The following LAMB4 variants were observed in gnomAD, a reference collection of about 807,000 sequenced individuals.
The protein encoded by LAMB4 is laminin subunit beta 4, also known as laminin subunit beta-4.
Under a neutral mutation model 199.2 loss-of-function variants are expected in LAMB4, and 196 were observed. The observed-to-expected ratio is 0.98, with a 90% CI of 0.88 to 1.11. LAMB4 has a LOEUF of 1.11. LAMB4 is among the 50% of genes least tolerant of loss of function. LAMB4 has a pLI of 0.00. For missense variants in LAMB4, 2,080 were observed against 2,171.2 expected (o/e 0.96, Z 0.83); for synonymous variants, 744 against 770.6 (o/e 0.97, Z 0.57).
chr7:108,090,738 T>G (rs2037366178), intron 14 of LAMB4, among the ~76,000 whole-genome samples: 1 of 152,208 alleles, frequency 6.6e-6, no homozygotes, highest in Non-Finnish European at 1.5e-5. Context: ...TACTTCTTTC[T>G]AAAATTGTTT....
At position 108,063,824 on chromosome 7, in the gene LAMB4, C is replaced by A. The variant is rs2036246805; in HGVS notation, c.2998G>T (p.Gly1000Cys). Residue 1000 changes from glycine to cysteine, a missense_variant, in exon 22 of 34, where the codon GGC becomes TGC. Coordinates refer to ENST00000388781, the MANE Select transcript of LAMB4 (RefSeq NM_007356.3). ...GGTTTGCAGAGCTGGCAGTTTGCGCCCTGAGTGTTGTGCAAACATCGAAGG... is the reference window on the plus strand; with the variant it reads ...GGTTTGCAGAGCTGGCAGTTTGCGCACTGAGTGTTGTGCAAACATCGAAGG... ...ECLRCLHNTQGANCQLCKPGH... is the reference protein window; with the variant it reads ...ECLRCLHNTQCANCQLCKPGH... 2 of 1,614,040 alleles carry A rather than the reference C, an allele frequency of 1.2e-6. No individual in the cohort carries two copies. Among genetic ancestry groups the A allele is most frequent in the Non-Finnish European group, 1.7e-6 (2 of 1,180,036 alleles).
In LAMB4 at chr7:108,029,105, T is replaced by C. The variant is rs760218345; in HGVS notation, c.5084A>G (p.Gln1695Arg). The C allele has an allele frequency of 5.6e-6, 9 of 1,614,068 alleles. No homozygotes were observed. Among genetic ancestry groups the C allele is most frequent in the African/African-American group, 5.3e-5 (4 of 74,948 alleles). Reference sequence around the variant, plus strand: ...CAATTTTTCTGCCGCATCTTTTAGCTGTTTAACTTTTCCTAATGTCTCCTT... The same window carrying C: ...CAATTTTTCTGCCGCATCTTTTAGCCGTTTAACTTTTCCTAATGTCTCCTT... ...LTKETLGKVK[Q>R]LKDAAEKLAG... The change falls in exon 33 of 34, where the codon CAG (glutamine) becomes CGG (arginine). Residue 1695 changes from glutamine (Q) to arginine (R), a missense_variant. Coordinates refer to ENST00000388781, the MANE Select transcript of LAMB4 (RefSeq NM_007356.3).
chr7:108,115,424 C>T (rs2038371252), intron 3 of LAMB4, among the ~76,000 whole-genome samples: 2 of 152,256 alleles, frequency 1.3e-5, no homozygotes, highest in East Asian at 1.9e-4. Flanking sequence ...ATCCCAGCAA[C>T]TCAGGAGGCT....
intron 1 of LAMB4, among the ~76,000 whole-genome samples, chr7:108,127,205 T>TTTTTTTTTTTGAGACA (rs2038825403): frequency 6.9e-6 from 1 of 143,984 alleles, no homozygotes; most frequent in Non-Finnish European, 1.5e-5. Flanking sequence ...TTTTTTTTTT[T>TTTTTTTTTTTGAGACA]GAATCCTGCT....
At chr7:108,082,854 TC>T (rs2037008719) in intron 14 of LAMB4, among the ~76,000 whole-genome samples, 1 of 152,130 alleles carries the variant, frequency 6.6e-6, no homozygotes, top group African/African-American at 2.4e-5. Context: ...TTGTGGTGGT[TC>T]CCATCATATC....
chr7:108,098,194 G>A (rs577273548), intron 11 of LAMB4, among the ~76,000 whole-genome samples: 1 of 152,120 alleles, frequency 6.6e-6, no homozygotes, highest in Non-Finnish European at 1.5e-5. Context: ...TTATCTGGGC[G>A]TGGTGGTGGT....
chr7:108,023,991 C>A lies in LAMB4; in HGVS notation c.*48G>T. ...TTCAACAGAGCCCCAGGGGCTTGTA[C>A]ATCAGAAACCAGAAACAAAGGCACA... On this transcript the variant is annotated 3_prime_UTR_variant, in exon 34 of 34. Coordinates refer to ENST00000388781, the MANE Select transcript of LAMB4 (RefSeq NM_007356.3). The A allele has an allele frequency of 6.5e-7, 1 of 1,537,520 alleles. No homozygotes were observed. Among genetic ancestry groups the A allele is most frequent in the South Asian group, 1.3e-5 (1 of 77,748 alleles).
At chr7:108,057,982 A>T in intron 23 of LAMB4, 54 bp from the exon 24 acceptor site, 1 of 1,187,232 alleles carries the variant, frequency 8.4e-7, no homozygotes, top group Non-Finnish European at 1.3e-6. Flanking sequence ...CTAAAAAAAA[A>T]TGCATTTTAA....
intron 2 of LAMB4, among the ~76,000 whole-genome samples, chr7:108,116,695 A>T (rs2038419510): frequency 6.6e-6 from 1 of 152,246 alleles, no homozygotes; most frequent in Non-Finnish European, 1.5e-5. Context: ...ACACTTGGGA[A>T]ATCCTAAACT....
intron 25 of LAMB4, among the ~76,000 whole-genome samples, chr7:108,052,624 C>T (rs1330831940): frequency 6.6e-6 from 1 of 152,170 alleles, no homozygotes; most frequent in East Asian, 1.9e-4. Flanking sequence ...TGGCTTTCAA[C>T]ATATGGTAAA....
At chr7:108,115,344 A>G (rs574128691) in intron 3 of LAMB4, among the ~76,000 whole-genome samples, 5 of 152,216 alleles carry the variant, frequency 3.3e-5, no homozygotes, top group Non-Finnish European at 7.3e-5. Flanking sequence ...CCAACCAAGG[A>G]TTGAAAATAT....
intron 29 of LAMB4, among the ~76,000 whole-genome samples, chr7:108,042,503 C>G (rs909352157): frequency 1.3e-5 from 2 of 151,908 alleles, no homozygotes; most frequent in African/African-American, 4.8e-5. Context: ...TTGGTGCCTT[C>G]TTAGTTCAGC....
In LAMB4 at chr7:108,116,226, T is replaced by C. The variant is rs1183428168; in HGVS notation, c.35-65A>G. On this transcript the variant is annotated intron_variant, in intron 2 of 33. Coordinates refer to ENST00000388781, the MANE Select transcript of LAMB4 (RefSeq NM_007356.3). ...AAGGACAGCACAGGGCCTGCAGAAA[T>C]GACTGGTTAAGGGGGAAAGTTATGT... 3 of 1,464,128 alleles carry C rather than the reference T, an allele frequency of 2.0e-6. No homozygotes were observed. In the East Asian group the frequency reaches 7.0e-5, roughly 34 times the overall value. The allele number at this position is 1,464,128 out of a possible 1,614,324, so 90.7% of individuals were successfully genotyped here.
intron 17 of LAMB4, among the ~76,000 whole-genome samples, chr7:108,076,505 T>A (rs2036708679): frequency 6.6e-6 from 1 of 152,176 alleles, no homozygotes; most frequent in East Asian, 1.9e-4. Context: ...AAGTGTAGGA[T>A]GTATAAAATG....
At chr7:108,107,257 C>A (rs566268594) in intron 6 of LAMB4, among the ~76,000 whole-genome samples, 4 of 152,172 alleles carry the variant, frequency 2.6e-5, no homozygotes, top group Admixed American at 1.3e-4. Flanking sequence ...GGGATGTTCC[C>A]GGCAGATTCC....
At chr7:108,125,351 G>A (rs1240938929) in intron 1 of LAMB4, among the ~76,000 whole-genome samples, 1 of 152,194 alleles carries the variant, frequency 6.6e-6, no homozygotes, top group Non-Finnish European at 1.5e-5. Context: ...ATGCTGTCCT[G>A]TATTTAGAAC....
intron 17 of LAMB4, among the ~76,000 whole-genome samples, chr7:108,070,104 T>C (rs1013813426): frequency 6.6e-6 from 1 of 152,334 alleles, no homozygotes; most frequent in Admixed American, 6.5e-5. Context: ...AAAAAAAGCC[T>C]TTATCTTTCT....
At chr7:108,107,602 C>A in intron 6 of LAMB4, 29 bp downstream of exon 6, 1 of 1,506,454 alleles carries the variant, frequency 6.6e-7, no homozygotes, top group Non-Finnish European at 9.0e-7. Context: ...TTAATTTATA[C>A]AAAATAAATA....
At chr7:108,038,369 G>A (rs1315823653) in intron 29 of LAMB4, among the ~76,000 whole-genome samples, 1 of 152,104 alleles carries the variant, frequency 6.6e-6, no homozygotes, top group Non-Finnish European at 1.5e-5. Context: ...CACCATGTTG[G>A]CCAGGATGGT....
Sources: allele counts gnomAD v4.1 joint callset (sites outside exome capture counted in the v4.1 genomes callset), GRCh38; gene constraint gnomAD v4.1.1; transcripts MANE v1.5; gene names NCBI Gene and HGNC (gene_info 2026-07-23, HGNC 2026-07-21).